TMC7: variants seen among roughly 807,000 people sequenced by gnomAD.
TMC7 encodes the protein transmembrane channel like 7.
In TMC7, 54 loss-of-function variants were observed where a neutral mutation model predicts 82.9. The observed-to-expected ratio is 0.65, with a 90% confidence interval of 0.52 to 0.82. TMC7 has a LOEUF of 0.82. Ranked by LOEUF, TMC7 falls within the 40% of genes least tolerant of loss-of-function variation. TMC7 has a pLI of 0.00. For missense variants in TMC7, 820 were observed against 901.2 expected, an observed-to-expected ratio of 0.91 and a Z score of 1.15; for synonymous variants, 350 against 337.9, an observed-to-expected ratio of 1.04 and a Z score of -0.39.
intron 5 of TMC7, among the ~76,000 whole-genome samples, chr16:19,025,758 T>C (rs527381647): frequency 2.6e-4 from 36 of 138,558 alleles, no homozygotes; most frequent in African/African-American, 1.1e-3. Flanking sequence ...CCCCCCACCC[T>C]TTTTTTTTTT....
chr16:18,996,983 G>T (rs562792010), intron 1 of TMC7, among the ~76,000 whole-genome samples: 2 of 152,218 alleles, frequency 1.3e-5, no homozygotes, highest in Non-Finnish European at 2.9e-5. Context: ...AGAGGAAAAA[G>T]AACTGGAATT....
At chr16:19,029,638 G>C (rs574832847) in intron 5 of TMC7, among the ~76,000 whole-genome samples, 63 of 151,364 alleles carry the variant, frequency 4.2e-4, no homozygotes, top group African/African-American at 1.5e-3. Context: ...GCCTTCCAAG[G>C]TGCTGGGATT....
intron 1 of TMC7, among the ~76,000 whole-genome samples, chr16:18,986,851 C>G (rs988724746): frequency 6.6e-6 from 1 of 151,662 alleles, no homozygotes; most frequent in Non-Finnish European, 1.5e-5. Flanking sequence ...GTCGCCCAGG[C>G]TGAAGTGCAG....
chr16:19,001,705 G>A (rs2039144001), intron 1 of TMC7, among the ~76,000 whole-genome samples: 1 of 152,078 alleles, frequency 6.6e-6, no homozygotes, highest in East Asian at 1.9e-4. Flanking sequence ...CAAAAAGGAT[G>A]GAGTAGTAAC....
intron 6 of TMC7, among the ~76,000 whole-genome samples, chr16:19,034,639 A>G (rs976879584): frequency 7.3e-6 from 1 of 137,374 alleles, no homozygotes; most frequent in African/African-American, 2.6e-5. Flanking sequence ...AATAAATAAA[A>G]GGGACTGACT....
At chr16:19,043,894 G>A (rs1298710436) in intron 9 of TMC7, among the ~76,000 whole-genome samples, 1 of 145,324 alleles carries the variant, frequency 6.9e-6, no homozygotes, top group Admixed American at 6.9e-5. Flanking sequence ...CTTTGAGATG[G>A]AGTCTTGCTC....
chr16:18,999,672 G>A (rs2039106892), intron 1 of TMC7, among the ~76,000 whole-genome samples: 1 of 152,192 alleles, frequency 6.6e-6, no homozygotes, highest in African/African-American at 2.4e-5. Flanking sequence ...CCAGGAGCAG[G>A]GCAATGATCA....
intron 12 of TMC7, among the ~76,000 whole-genome samples, chr16:19,048,131 T>C (rs1454554180): frequency 1.3e-5 from 2 of 151,724 alleles, no homozygotes; most frequent in African/African-American, 2.4e-5. Flanking sequence ...TGTTTGGTTT[T>C]TTTGAATTTT....
At position 19,045,015 on chromosome 16, in the gene TMC7, C is replaced by A; in HGVS notation, c.1455+14C>A. 1 of 1,545,268 alleles carries A rather than the reference C, an allele frequency of 6.5e-7. No homozygotes were observed. Among genetic ancestry groups the A allele is most frequent in the Non-Finnish European group, 8.9e-7 (1 of 1,119,316 alleles). On this transcript the variant is annotated intron_variant, in intron 10 of 15. Coordinates refer to ENST00000304381, the MANE Select transcript of TMC7 (RefSeq NM_024847.4). ...AAACTCTACCCGGTGAGTTGCGGGG[C>A]GGGGGCGTTCGGCTGGGTGGGTCCT...
chr16:19,056,261 T>A (rs1318345426), intron 13 of TMC7, among the ~76,000 whole-genome samples: 1 of 151,874 alleles, frequency 6.6e-6, no homozygotes, highest in South Asian at 2.1e-4. Context: ...AATTTTTGTA[T>A]TTTTAGTAGA....
intron 2 of TMC7, among the ~76,000 whole-genome samples, chr16:19,013,851 CTTT>C (rs35402613): frequency 1.1e-5 from 1 of 87,092 alleles, no homozygotes; most frequent in African/African-American, 4.9e-5. Context: ...AGCACTCTTG[CTTT>C]TTTTTTTTTT....
intron 3 of TMC7, among the ~76,000 whole-genome samples, chr16:19,021,033 T>C (rs1959947952): frequency 6.6e-6 from 1 of 152,154 alleles, no homozygotes; most frequent in Non-Finnish European, 1.5e-5. Context: ...TATAAATATG[T>C]CACTTCTCCT....
intron 5 of TMC7, among the ~76,000 whole-genome samples, 186 bp downstream of exon 5, chr16:19,023,381 A>G (rs1351345863): frequency 6.6e-6 from 1 of 152,206 alleles, no homozygotes; most frequent in Non-Finnish European, 1.5e-5. Context: ...ATCGCCTGTT[A>G]GAATGTCAGG....
chr16:19,028,729 C>T (rs1197082564), intron 5 of TMC7, among the ~76,000 whole-genome samples: 2 of 151,012 alleles, frequency 1.3e-5, no homozygotes, highest in Non-Finnish European at 3.0e-5. Context: ...GATCTCGGCT[C>T]ACCACAACCT....
intron 3 of TMC7, among the ~76,000 whole-genome samples, chr16:19,021,220 G>T (rs1425760240): frequency 6.6e-6 from 1 of 152,214 alleles, no homozygotes; most frequent in East Asian, 1.9e-4. Context: ...CAAATCTGCA[G>T]TAATTAAGAC....
intron 1 of TMC7, among the ~76,000 whole-genome samples, chr16:18,998,292 C>T (rs1211978904): frequency 6.6e-6 from 1 of 152,178 alleles, no homozygotes; most frequent in Non-Finnish European, 1.5e-5. Flanking sequence ...ATGGAATGGT[C>T]AAGAAACTTG....
intron 3 of TMC7, among the ~76,000 whole-genome samples, 172 bp downstream of exon 3, chr16:19,016,770 A>G (rs1201965038): frequency 6.6e-6 from 1 of 152,228 alleles, no homozygotes; most frequent in Non-Finnish European, 1.5e-5. Context: ...GTCACCAGGA[A>G]AAATCGTGGA....
In TMC7 at chr16:19,051,823, G is replaced by A. The variant is rs181757584; in HGVS notation, c.1871+7G>A. 130 of 1,613,726 alleles carry A rather than the reference G, an allele frequency of 8.1e-5. No individual in the cohort carries two copies. In the African/African-American group the frequency reaches 1.5e-3, roughly 19 times the overall value. On this transcript the variant is annotated splice_region_variant and intron_variant, in intron 13 of 15. Coordinates refer to ENST00000304381, the MANE Select transcript of TMC7 (RefSeq NM_024847.4). ...TGACAATCAGCATATCACGGTAAAT[G>A]TGACTTTGTTTTCTAGAACATTTCA...
At chr16:19,027,096 A>C (rs1353439534) in intron 5 of TMC7, among the ~76,000 whole-genome samples, 1 of 102,870 alleles carries the variant, frequency 9.7e-6, no homozygotes, top group African/African-American at 3.9e-5. Context: ...TTAAAGACAG[A>C]GTCTCGCTCT....
Sources: allele counts gnomAD v4.1 joint callset (sites outside exome capture counted in the v4.1 genomes callset), GRCh38; gene constraint gnomAD v4.1.1; transcripts MANE v1.5; gene names NCBI Gene and HGNC (gene_info 2026-07-23, HGNC 2026-07-21).